The following RBFOX1 variants were observed in gnomAD, a reference collection of about 807,000 sequenced individuals.
The protein encoded by RBFOX1 is RNA binding fox-1 homolog 1.
RBFOX1 carries 8 observed loss-of-function variants against 57.7 expected under a neutral mutation model. That is an observed-to-expected ratio of 0.14 (90% CI 0.08 to 0.25). The LOEUF is 0.25. Ranked by LOEUF, RBFOX1 falls within the 10% of genes least tolerant of loss-of-function variation. RBFOX1 has a pLI of 1.00. For synonymous variants in RBFOX1, 326 were observed against 222.4 expected, an observed-to-expected ratio of 1.47 and a Z score of -4.15; for missense variants, 611 against 548.5, an observed-to-expected ratio of 1.11 and a Z score of -1.14.
At chr16:5,905,545 C>G (rs1333464584) in intron 4 of RBFOX1, among the ~76,000 whole-genome samples, 1 of 152,006 alleles carries the variant, frequency 6.6e-6, no homozygotes, top group East Asian at 1.9e-4. Context: ...AACCGAATCT[C>G]TACAAAAAAA....
At chr16:7,487,107 G>A (rs1318017784) in intron 4 of RBFOX1, among the ~76,000 whole-genome samples, 2 of 151,966 alleles carry the variant, frequency 1.3e-5, no homozygotes, top group Non-Finnish European at 2.9e-5. Flanking sequence ...TCCATGTTGG[G>A]CAAGCTGATC....
chr16:6,677,854 AAAG>A (rs2058008091), intron 3 of RBFOX1, among the ~76,000 whole-genome samples: 1 of 152,172 alleles, frequency 6.6e-6, no homozygotes, highest in African/African-American at 2.4e-5. Flanking sequence ...CATAAAATTA[AAAG>A]GCCTATTAAT....
chr16:5,264,792 T>G (rs888017351), intron 1 of RBFOX1, among the ~76,000 whole-genome samples: 1 of 152,114 alleles, frequency 6.6e-6, no homozygotes, highest in African/African-American at 2.4e-5. Flanking sequence ...TTCTTCTCCC[T>G]CTGTTCCCTG....
At chr16:6,734,187 C>T (rs1439540136) in intron 3 of RBFOX1, among the ~76,000 whole-genome samples, 1 of 152,164 alleles carries the variant, frequency 6.6e-6, no homozygotes, top group Non-Finnish European at 1.5e-5. Flanking sequence ...TTTCAGCCCA[C>T]ATCCGTGCAG....
intron 3 of RBFOX1, among the ~76,000 whole-genome samples, chr16:5,844,744 G>A (rs1388639106): frequency 2.0e-5 from 3 of 152,186 alleles, no homozygotes; most frequent in Non-Finnish European, 4.4e-5. Context: ...GGAATAAAAA[G>A]AGGGAGAAGA....
At chr16:5,860,005 A>G (rs2057170028) in intron 3 of RBFOX1, among the ~76,000 whole-genome samples, 1 of 152,200 alleles carries the variant, frequency 6.6e-6, no homozygotes, top group Non-Finnish European at 1.5e-5. Flanking sequence ...CAACAAGGCT[A>G]TCTTAGGATA....
At chr16:6,937,051 C>G (rs967072542) in intron 3 of RBFOX1, among the ~76,000 whole-genome samples, 10 of 151,674 alleles carry the variant, frequency 6.6e-5, no homozygotes, top group African/African-American at 2.2e-4. Flanking sequence ...ATGTAACTAA[C>G]CTGCACAATG....
chr16:7,278,948 T>C (rs1215046799), intron 4 of RBFOX1, among the ~76,000 whole-genome samples: 5 of 152,190 alleles, frequency 3.3e-5, no homozygotes, highest in Non-Finnish European at 7.3e-5. Flanking sequence ...GATTGCTTTC[T>C]TCTGGCTTTT....
intron 1 of RBFOX1, among the ~76,000 whole-genome samples, chr16:5,415,528 G>A (rs978148949): frequency 2.0e-5 from 3 of 152,170 alleles, no homozygotes; most frequent in African/African-American, 7.2e-5. Context: ...TCCAGGACCT[G>A]CTCTCCTCAT....
intron 2 of RBFOX1, among the ~76,000 whole-genome samples, chr16:5,554,696 A>G (rs1387403032): frequency 6.6e-6 from 1 of 152,244 alleles, no homozygotes; most frequent in Non-Finnish European, 1.5e-5. Flanking sequence ...ACCTATTCCC[A>G]GACACCAAAG....
intron 3 of RBFOX1, among the ~76,000 whole-genome samples, chr16:5,691,545 C>G (rs933446135): frequency 6.6e-6 from 1 of 152,164 alleles, no homozygotes; most frequent in Non-Finnish European, 1.5e-5. Flanking sequence ...ATGCCTAGGA[C>G]TAGAAGTTTT....
intron 2 of RBFOX1, among the ~76,000 whole-genome samples, chr16:6,362,154 C>G (rs1482424672): frequency 1.3e-5 from 2 of 152,052 alleles, no homozygotes; most frequent in Non-Finnish European, 2.9e-5. Flanking sequence ...ATTTGGACCA[C>G]AAAACAAGTC....
intron 4 of RBFOX1, among the ~76,000 whole-genome samples, chr16:7,059,484 C>T (rs758819798): frequency 3.3e-5 from 5 of 152,160 alleles, no homozygotes; most frequent in Admixed American, 2.6e-4. Flanking sequence ...CTCTTATTCT[C>T]TTATACCTCA....
At chr16:5,885,030 G>C (rs1368980580) in intron 4 of RBFOX1, among the ~76,000 whole-genome samples, 1 of 152,176 alleles carries the variant, frequency 6.6e-6, no homozygotes, top group Admixed American at 6.5e-5. Flanking sequence ...ATGACACTCT[G>C]TTTTGTAATG....
chr16:6,685,621 G>A (rs1198766896), intron 3 of RBFOX1, among the ~76,000 whole-genome samples: 2 of 151,850 alleles, frequency 1.3e-5, no homozygotes, highest in African/African-American at 2.4e-5. Flanking sequence ...CTTAAACCAA[G>A]TCCAGACATC....
At chr16:6,893,592 C>A (rs1338848327) in intron 3 of RBFOX1, among the ~76,000 whole-genome samples, 3 of 152,170 alleles carry the variant, frequency 2.0e-5, no homozygotes, top group Non-Finnish European at 4.4e-5. Context: ...CAAAGAATCT[C>A]CTCTCCAGTT....
At chr16:6,168,401 G>A (rs969529479) in intron 1 of RBFOX1, among the ~76,000 whole-genome samples, 6 of 152,046 alleles carry the variant, frequency 3.9e-5, no homozygotes, top group African/African-American at 9.7e-5. Context: ...TTCCTTCTAC[G>A]TAGAGCCAGG....
chr16:5,571,215 C>CTTTTTTT (rs34409151), intron 2 of RBFOX1, among the ~76,000 whole-genome samples: 74 of 79,796 alleles, frequency 9.3e-4, no homozygotes, highest in East Asian at 2.1e-3. Flanking sequence ...CCATCTTTGA[C>CTTTTTTT]TTTTTTTTTT....
At chr16:7,283,082 G>A (rs774487074) in intron 4 of RBFOX1, among the ~76,000 whole-genome samples, 2 of 152,074 alleles carry the variant, frequency 1.3e-5, no homozygotes, top group African/African-American at 2.4e-5. Context: ...TATCTTTTTT[G>A]TATAACGACT....
Sources: gnomAD v4.1 joint callset for allele counts (sites outside exome capture counted in the v4.1 genomes callset) on GRCh38, gnomAD v4.1.1 for gene constraint, MANE v1.5 for transcripts, NCBI Gene and HGNC (gene_info 2026-07-23, HGNC 2026-07-21) for gene names.